Variants in CTNND2 observed in about 807,000 individuals in gnomAD.
The protein encoded by CTNND2 is catenin delta 2, also known as catenin delta-2.
In CTNND2, 22 loss-of-function variants were observed where a neutral mutation model predicts 144.4. The ratio of observed to expected loss-of-function variants is 0.15; its 90% CI spans 0.11 to 0.22. CTNND2 has a LOEUF of 0.22. Among genes scored for constraint, CTNND2 ranks in the 10% least tolerant of loss-of-function variants. The probability of loss-of-function intolerance (pLI) is 1.00; values close to 1 mark genes in which losing one functional copy is unlikely to be tolerated. For missense variants in CTNND2, 1,353 were observed against 1,618.8 expected, an observed-to-expected ratio of 0.84 and a Z score of 2.82; for synonymous variants, 751 against 695.6, an observed-to-expected ratio of 1.08 and a Z score of -1.25.
chr5:11,624,835 CTG>C (rs1035882198), intron 2 of CTNND2, among the ~76,000 whole-genome samples: 2 of 152,062 alleles, frequency 1.3e-5, no homozygotes, highest in African/African-American at 2.4e-5. Context: ...ACTGCTAAAA[CTG>C]TACCTACCTA....
At chr5:11,802,450 C>T (rs1791747317) in intron 1 of CTNND2, among the ~76,000 whole-genome samples, 1 of 152,022 alleles carries the variant, frequency 6.6e-6, no homozygotes, top group Non-Finnish European at 1.5e-5. Context: ...GCCTGTAATC[C>T]CAGCTACTCA....
chr5:11,268,222 A>T, intron 9 of CTNND2, among the ~76,000 whole-genome samples: 1 of 152,212 alleles, frequency 6.6e-6, no homozygotes, highest in African/African-American at 2.4e-5. Flanking sequence ...TTAAAAACCT[A>T]TTTTGAGTGA....
At chr5:11,799,372 T>C (rs1350302708) in intron 1 of CTNND2, among the ~76,000 whole-genome samples, 1 of 152,166 alleles carries the variant, frequency 6.6e-6, no homozygotes, top group Non-Finnish European at 1.5e-5. Context: ...AATAAAGATA[T>C]GGGTTCCTTG....
chr5:11,595,206 T>C (rs989510896), intron 2 of CTNND2, among the ~76,000 whole-genome samples: 1 of 152,112 alleles, frequency 6.6e-6, no homozygotes, highest in Non-Finnish European at 1.5e-5. Flanking sequence ...GAAAACAGGA[T>C]GAGGAAGGAA....
At chr5:11,594,176 T>C (rs957439722) in intron 2 of CTNND2, among the ~76,000 whole-genome samples, 1 of 152,166 alleles carries the variant, frequency 6.6e-6, no homozygotes, top group African/African-American at 2.4e-5. Context: ...ATGAATATAG[T>C]ATAGTACACG....
chr5:11,707,709 ACT>A (rs146961633), intron 2 of CTNND2, among the ~76,000 whole-genome samples: 10 of 152,202 alleles, frequency 6.6e-5, no homozygotes, highest in Admixed American at 3.9e-4. Context: ...TTTTCTTCCT[ACT>A]CTCTCTCTTA....
chr5:11,544,367 A>T (rs571527046), intron 3 of CTNND2, among the ~76,000 whole-genome samples: 10 of 152,330 alleles, frequency 6.6e-5, no homozygotes, highest in Middle Eastern at 3.4e-3. Context: ...AGGATTAGAA[A>T]ATGGTAAAAC....
chr5:11,572,516 G>T (rs1777640668), intron 2 of CTNND2, among the ~76,000 whole-genome samples: 1 of 152,120 alleles, frequency 6.6e-6, no homozygotes, highest in South Asian at 2.1e-4. Context: ...CTCCACACCT[G>T]TTCCTGCTGG....
intron 3 of CTNND2, among the ~76,000 whole-genome samples, chr5:11,480,701 T>C (rs957226644): frequency 2.0e-5 from 3 of 150,582 alleles, no homozygotes; most frequent in Non-Finnish European, 4.4e-5. Context: ...GAGGTTATAA[T>C]AGAGTTTTTC....
intron 2 of CTNND2, among the ~76,000 whole-genome samples, chr5:11,571,229 A>T (rs982913466): frequency 2.0e-5 from 3 of 152,026 alleles, no homozygotes. Flanking sequence ...AGGTATCTCA[A>T]CTTCCCTGGC....
At chr5:11,474,835 C>T (rs1414436186) in intron 3 of CTNND2, among the ~76,000 whole-genome samples, 2 of 152,302 alleles carry the variant, frequency 1.3e-5, no homozygotes, top group South Asian at 4.1e-4. Flanking sequence ...CACTTGTCGT[C>T]ATTATTACCA....
chr5:11,525,382 T>A (rs780466305), intron 3 of CTNND2, among the ~76,000 whole-genome samples: 3 of 152,104 alleles, frequency 2.0e-5, no homozygotes, highest in Non-Finnish European at 4.4e-5. Flanking sequence ...TTTTGTACCA[T>A]GAGTAACATT....
At chr5:11,412,987 C>T (rs570448191) in intron 3 of CTNND2, among the ~76,000 whole-genome samples, 8 of 152,144 alleles carry the variant, frequency 5.3e-5, no homozygotes, top group East Asian at 1.9e-4. Context: ...AATACATTTA[C>T]GGAGAAAAAG....
chr5:11,285,830 G>T (rs560133243), intron 9 of CTNND2, among the ~76,000 whole-genome samples: 6 of 67,308 alleles, frequency 8.9e-5, no homozygotes, highest in Non-Finnish European at 2.1e-4. Context: ...AAGCCAGGGG[G>T]TTTATTTCCA....
intron 3 of CTNND2, among the ~76,000 whole-genome samples, chr5:11,560,877 T>C (rs1421237943): frequency 2.0e-5 from 3 of 152,210 alleles, no homozygotes; most frequent in Admixed American, 2.0e-4. Context: ...ATGGTTCTGG[T>C]TTATGTATCC....
At chr5:11,239,126 T>C (rs1334410140) in intron 9 of CTNND2, among the ~76,000 whole-genome samples, 1 of 152,282 alleles carries the variant, frequency 6.6e-6, no homozygotes, top group Admixed American at 6.5e-5. Context: ...TGGAAAGTGA[T>C]TAATAAAGGA....
intron 3 of CTNND2, among the ~76,000 whole-genome samples, chr5:11,492,474 G>C (rs1165533338): frequency 6.7e-6 from 1 of 149,962 alleles, no homozygotes; most frequent in Non-Finnish European, 1.5e-5. Flanking sequence ...ATGATTTTCA[G>C]ATATCTCTTT....
intron 9 of CTNND2, among the ~76,000 whole-genome samples, chr5:11,287,578 A>T (rs1228261957): frequency 1.3e-5 from 2 of 152,260 alleles, no homozygotes; most frequent in Non-Finnish European, 2.9e-5. Flanking sequence ...TATGAATGGC[A>T]TCCTTAGAAG....
At chr5:11,633,204 C>G (rs921147956) in intron 2 of CTNND2, among the ~76,000 whole-genome samples, 1 of 152,148 alleles carries the variant, frequency 6.6e-6, no homozygotes, top group African/African-American at 2.4e-5. Context: ...TCAGAGTTAA[C>G]ACGTTGAAAG....
Sources: gnomAD v4.1 joint callset for allele counts (sites outside exome capture counted in the v4.1 genomes callset) on GRCh38, gnomAD v4.1.1 for gene constraint, MANE v1.5 for transcripts, NCBI Gene and HGNC (gene_info 2026-07-23, HGNC 2026-07-21) for gene names.